Variants in TNRC6C observed in about 807,000 individuals in gnomAD.
The protein encoded by TNRC6C is trinucleotide repeat containing adaptor 6C, also known as trinucleotide repeat-containing gene 6C protein.
A neutral mutation model predicts 153.7 loss-of-function variants in TNRC6C; 20 were observed. The observed-to-expected ratio is 0.13, with a 90% CI of 0.09 to 0.19. The LOEUF (loss-of-function observed/expected upper bound fraction) is 0.19, where lower values mean the gene tolerates loss of function less well. Ranked by LOEUF, TNRC6C falls within the 10% of genes least tolerant of loss-of-function variation. The pLI is 1.00. For missense variants in TNRC6C, 1,987 were observed against 2,172.0 expected (o/e 0.91, Z 1.69); for synonymous variants, 811 against 841.4 (o/e 0.96, Z 0.63).
intron 2 of TNRC6C, among the ~76,000 whole-genome samples, chr17:78,036,718 G>GT (rs1019796747): frequency 2.0e-5 from 3 of 152,132 alleles, no homozygotes; most frequent in Non-Finnish European, 4.4e-5. Flanking sequence ...GAGGTCAGGA[G>GT]TTTAAGACCA....
chr17:78,084,692 G>A lies in TNRC6C; in HGVS notation c.3477+1526G>A, dbSNP rs142649375. Among the ~76,000 whole-genome samples, 1,426 of 149,608 alleles carry A rather than the reference G, an allele frequency of 9.5e-3. 25 individuals carry two copies. The highest frequency in any genetic ancestry group is 0.032 in the African/African-American group (1,318 of 40,586). ...TGCCCAGGCTGGAGTGCAGTGGCAC[G>A]ATCATGGCTCACTGCAGCCTCTGCC... On this transcript the variant is annotated intron_variant, in intron 11 of 19. Coordinates refer to ENST00000301624, the Ensembl canonical transcript of TNRC6C.
chr17:78,053,615 C>T (rs886155003), intron 3 of TNRC6C, among the ~76,000 whole-genome samples: 10 of 147,388 alleles, frequency 6.8e-5, no homozygotes, highest in East Asian at 2.0e-4. Flanking sequence ...GGCGACAGAG[C>T]GAAACTCTGT....
Position 78,080,228 on chromosome 17 carries a change from C to G in TNRC6C, c.3357+687C>G, listed in dbSNP as rs370855007. On this transcript the variant is annotated intron_variant, in intron 10 of 19. Transcript: ENST00000301624. The stretch of plus-strand genomic sequence containing the variant: ...TTGGGAGGCCGAGGTGGGTGGATCA[C>G]CTGAGGTCAGGAGTTCGAGACCAGC... Among the ~76,000 whole-genome samples the G allele has an allele frequency of 3.0e-3, 461 of 152,258 alleles. 11 individuals carry two copies. Among genetic ancestry groups the G allele is most frequent in the South Asian group, 0.025 (119 of 4,818 alleles).
At chr17:78,005,876 A>G (rs1297031776) in intron 1 of TNRC6C, among the ~76,000 whole-genome samples, 4 of 152,180 alleles carry the variant, frequency 2.6e-5, no homozygotes, top group Non-Finnish European at 5.9e-5. Flanking sequence ...ATGTAAAAAA[A>G]AAAGACTAAT....
intron 5 of TNRC6C, among the ~76,000 whole-genome samples, chr17:78,069,389 C>T (rs1472123920): frequency 2.0e-5 from 3 of 151,968 alleles, no homozygotes; most frequent in East Asian, 1.9e-4. Context: ...AGAAAGCCAG[C>T]GTTTTGATTT....
At chr17:78,072,506 C>G (rs775426095) in intron 6 of TNRC6C, among the ~76,000 whole-genome samples, 5 of 152,170 alleles carry the variant, frequency 3.3e-5, no homozygotes, top group Non-Finnish European at 5.9e-5. Context: ...ATCCTGTCCT[C>G]ATGGCAGGTG....
chr17:78,050,542 G>C, exon 3 of TNRC6C: 1 of 1,613,804 alleles, frequency 6.2e-7, no homozygotes, highest in Non-Finnish European at 8.5e-7. Flanking sequence ...GGGGAAGAAC[G>C]ATGGGTCCAT....
chr17:77,965,583 T>A (rs1031285708), intron 1 of TNRC6C, among the ~76,000 whole-genome samples: 1 of 152,218 alleles, frequency 6.6e-6, no homozygotes, highest in Non-Finnish European at 1.5e-5. Context: ...AACCTTTATG[T>A]CTTCCCTGTG....
At chr17:78,087,193 GC>G in intron 13 of TNRC6C, 100 bp downstream of exon 15, 1 of 1,519,448 alleles carries the variant, frequency 6.6e-7, no homozygotes, top group Non-Finnish European at 8.8e-7. Context: ...AGGAGGACTG[GC>G]CAGCGCTGAA....
chr17:78,000,630 C>CCCCCCCCCCACA (rs1555628277), upstream of TNRC6C, among the ~76,000 whole-genome samples: 4 of 62,308 alleles, frequency 6.4e-5, 1 homozygote, highest in African/African-American at 9.4e-5. Context: ...CCCCCCCCCC[C>CCCCCCCCCCACA]CACACACACA....
intron 1 of TNRC6C, among the ~76,000 whole-genome samples, chr17:78,028,285 G>C (rs534482513): frequency 1.7e-3 from 264 of 152,292 alleles, no homozygotes; most frequent in Middle Eastern, 3.4e-3. Context: ...GGAACAAGGA[G>C]GTAGAGGGAT....
chr17:78,077,628 G>C lies in TNRC6C; in HGVS notation c.3210+294G>C, dbSNP rs1254309041. The C allele has an allele frequency of 1.4e-5, 6 of 423,898 alleles. No homozygotes were observed. In the East Asian group the frequency reaches 3.0e-4, roughly 21 times the overall value. 26.3% of individuals were successfully genotyped at this position (423,898 alleles called of 1,614,324 possible). Reference sequence around the variant, plus strand: ...TAAAGTGATGATGTGTTGCACAGTGGTCTTCGGCTGCCGGATGCATCCAGA... The same window carrying C: ...TAAAGTGATGATGTGTTGCACAGTGCTCTTCGGCTGCCGGATGCATCCAGA... On this transcript the variant is annotated intron_variant, in intron 9 of 19. Coordinates refer to ENST00000301624, the Ensembl canonical transcript of TNRC6C.
At chr17:78,050,627 G>A (rs1310585467) in exon 3 of TNRC6C, 2 of 1,572,496 alleles carry the variant, frequency 1.3e-6, no homozygotes, top group Non-Finnish European at 1.7e-6. Flanking sequence ...GCAAACACAG[G>A]TTGGGGAGAC....
exon 7 of TNRC6C, chr17:78,073,077 A>G: frequency 6.4e-7 from 1 of 1,556,960 alleles, no homozygotes. Flanking sequence ...AACAATATGA[A>G]TCTTGATCAG....
At chr17:78,070,600 G>A (rs1474514045) in intron 5 of TNRC6C, among the ~76,000 whole-genome samples, 1 of 151,440 alleles carries the variant, frequency 6.6e-6, no homozygotes, top group Non-Finnish European at 1.5e-5. Flanking sequence ...TGAGCTATAA[G>A]TAACAAATAG....
At position 78,062,240 on chromosome 17, in the gene TNRC6C, A is replaced by G. The variant is rs1349126384; in HGVS notation, c.2396-2482A>G. Among the ~76,000 whole-genome samples, 4 of 152,206 alleles carry G rather than the reference A, an allele frequency of 2.6e-5. No individual in the cohort carries two copies. In the East Asian group the frequency reaches 7.7e-4, roughly 29 times the overall value. Reference sequence around the variant, plus strand: ...ACTGGTTAGGACTAACTCCCCTGTTATTGGTAACTATTTGCATAATATATT... The same window carrying G: ...ACTGGTTAGGACTAACTCCCCTGTTGTTGGTAACTATTTGCATAATATATT... On this transcript the variant is annotated intron_variant, in intron 3 of 19. Transcript: ENST00000301624.
chr17:78,049,296 T>G lies in TNRC6C; in HGVS notation c.234T>G (p.Ile78Met). Residue 78 changes from isoleucine to methionine, a missense_variant, in exon 3 of 20, where the codon ATT (isoleucine) becomes ATG (methionine). By Grantham distance (10) the Ile-to-Met change is conservative (BLOSUM62 1). Around this residue, in one of 4 missense-constraint regions of TNRC6C, gnomAD observed 1,052 missense variants for 1,017.0 expected, o/e 1.03. Coordinates refer to ENST00000301624, the Ensembl canonical transcript of TNRC6C. This position sits in a 1 kb window ranked among gnomAD's most constrained non-coding sequence, Gnocchi z 4.1. Reference sequence around the variant, plus strand: ...GGGATGGAAAAATGGACACTATGATTGGAGATGGGAGAAGTCAGAATTGCT... The same window carrying G: ...GGGATGGAAAAATGGACACTATGATGGGAGATGGGAGAAGTCAGAATTGCT... 17 of 1,613,796 alleles carry G rather than the reference T, an allele frequency of 1.1e-5. No individual in the cohort carries two copies. Among genetic ancestry groups the G allele is most frequent in the Non-Finnish European group, 1.4e-5 (16 of 1,179,768 alleles).
At chr17:78,084,553 A>G (rs920936689) in intron 11 of TNRC6C, among the ~76,000 whole-genome samples, 2 of 152,008 alleles carry the variant, frequency 1.3e-5, no homozygotes, top group African/African-American at 2.4e-5. Flanking sequence ...AATGGAAAGC[A>G]CAGAGCTCTA....
At chr17:77,989,864 C>T (rs552455715) in intron 1 of TNRC6C, among the ~76,000 whole-genome samples, 335 of 152,248 alleles carry the variant, frequency 2.2e-3, no homozygotes, top group Non-Finnish European at 3.5e-3. Flanking sequence ...CTCTCAAACT[C>T]CCTTCCTACC....
Sources: allele counts gnomAD v4.1 joint callset (sites outside exome capture counted in the v4.1 genomes callset), GRCh38; gene constraint gnomAD v4.1.1; regional missense constraint gnomAD v4.1.1; non-coding constraint Gnocchi (gnomAD v3.1); transcripts MANE v1.5; gene names NCBI Gene and HGNC (gene_info 2026-07-23, HGNC 2026-07-21).